The following SPATS2L variants were observed in gnomAD, a reference collection of about 807,000 sequenced individuals.
SPATS2L encodes spermatogenesis associated serine rich 2 like.
SPATS2L carries 30 observed loss-of-function variants against 59.6 expected under a neutral mutation model. That is an observed-to-expected ratio of 0.50 (90% confidence interval 0.38 to 0.68). The LOEUF is 0.68. SPATS2L is among the 30% of genes least tolerant of loss of function. SPATS2L has a pLI of 0.00. For synonymous variants in SPATS2L, 252 were observed against 263.5 expected, an observed-to-expected ratio of 0.96 and a Z score of 0.42; for missense variants, 615 against 700.0, an observed-to-expected ratio of 0.88 and a Z score of 1.37.
At chr2:200,468,347 T>TACACACACACACACACACACCCACACAC (rs2086749885) in intron 10 of SPATS2L, among the ~76,000 whole-genome samples, 1 of 110,082 alleles carries the variant, frequency 9.1e-6, no homozygotes, top group Non-Finnish European at 1.9e-5. Context: ...CCCAGTATAC[T>TACACACACACACACACACACCCACACAC]ACACACACAC....
At chr2:200,343,324 G>T (rs1010253764) in intron 2 of SPATS2L, among the ~76,000 whole-genome samples, 1 of 152,174 alleles carries the variant, frequency 6.6e-6, no homozygotes, top group Admixed American at 6.5e-5. Context: ...TACAAATACG[G>T]AGTATATAAT....
intron 8 of SPATS2L, among the ~76,000 whole-genome samples, chr2:200,453,995 C>T (rs1466292778): frequency 6.6e-6 from 1 of 152,104 alleles, no homozygotes; most frequent in Non-Finnish European, 1.5e-5. Flanking sequence ...TGCCTCCCTC[C>T]CCATGCTCCC....
intron 6 of SPATS2L, among the ~76,000 whole-genome samples, chr2:200,432,799 C>T (rs2084022983): frequency 6.6e-6 from 1 of 152,086 alleles, no homozygotes; most frequent in African/African-American, 2.4e-5. Context: ...TTTAAGTCAT[C>T]AGGTGTGCTT....
intron 2 of SPATS2L, among the ~76,000 whole-genome samples, chr2:200,376,665 G>C (rs1309639684): frequency 6.6e-6 from 1 of 152,230 alleles, no homozygotes; most frequent in Non-Finnish European, 1.5e-5. Flanking sequence ...ATTGGTTTCC[G>C]ATCCATTCTA....
intron 8 of SPATS2L, 142 bp downstream of exon 8, chr2:200,440,926 G>A: frequency 1.3e-6 from 1 of 742,684 alleles, no homozygotes; most frequent in South Asian, 2.5e-5. Context: ...AGCCCTGCAG[G>A]CAGTAGCATG....
At position 200,425,070 on chromosome 2, in the gene SPATS2L, T is replaced by C. The variant is rs372304858; in HGVS notation, c.445+5574T>C. Reference sequence around the variant, plus strand: ...GCAGAGCTGCTTTCTCATCCTCAAGTGAACTGAACCAAATGTGAGAGAAAG... The same window carrying C: ...GCAGAGCTGCTTTCTCATCCTCAAGCGAACTGAACCAAATGTGAGAGAAAG... On this transcript the variant is annotated intron_variant, in intron 6 of 12. Transcript: ENST00000409140. Among the ~76,000 whole-genome samples the C allele has an allele frequency of 2.4e-4, 35 of 145,774 alleles. No individual in the cohort carries two copies. The East Asian group carries it at 4.1e-3, about 17-fold the overall frequency.
In SPATS2L at chr2:200,482,184, A is replaced by G. The variant is rs1413201693; in HGVS notation, c.*4153A>G. 6.6e-6 allele frequency: 1 copy of G among 152,246 alleles called. No homozygotes were observed. The highest frequency in any genetic ancestry group is 1.5e-5 in the Non-Finnish European group (1 of 68,046). 9.4% of individuals were successfully genotyped at this position (152,246 alleles called of 1,614,324 possible). A position where few individuals can be genotyped will look rare whatever the true frequency, so the allele number is the denominator to read the frequency against. The stretch of plus-strand genomic sequence containing the variant: ...CTTGTTACTTAGCTAAGAATTTGAA[A>G]TGTAATTTAAATACTATTCTTTACA... On this transcript the variant is annotated 3_prime_UTR_variant, in exon 13 of 13. Coordinates refer to ENST00000409140, the MANE Select transcript of SPATS2L (RefSeq NM_001100423.2).
intron 1 of SPATS2L, among the ~76,000 whole-genome samples, chr2:200,315,568 G>A (rs2079343756): frequency 6.6e-6 from 1 of 152,124 alleles, no homozygotes; most frequent in Non-Finnish European, 1.5e-5. Context: ...TCTGGCTGTA[G>A]GATCCTGAAC....
chr2:200,364,655 C>A (rs2081213580), intron 2 of SPATS2L, among the ~76,000 whole-genome samples: 1 of 152,182 alleles, frequency 6.6e-6, no homozygotes, highest in East Asian at 1.9e-4. Context: ...CTAGTGCCAT[C>A]CAGATACCAC....
chr2:200,335,386 A>G lies in SPATS2L; in HGVS notation c.-23+5906A>G, dbSNP rs902094258. 4.3e-5 allele frequency among the ~76,000 whole-genome samples: 4 copies of G among 94,078 alleles called. No homozygotes were observed. In the South Asian group the frequency reaches 3.0e-3, roughly 71 times the overall value. 61.7% of individuals were successfully genotyped at this position (94,078 alleles called of 152,430 possible). The stretch of plus-strand genomic sequence containing the variant: ...GAGCAAAGATTCTGTCTCAAAAAAA[A>G]AAGAAAGAAAAAAAAAAGAAGATAG... On this transcript the variant is annotated intron_variant, in intron 2 of 12. Coordinates refer to ENST00000409140, the MANE Select transcript of SPATS2L (RefSeq NM_001100423.2).
At chr2:200,465,018 T>C (rs1574689164) in intron 9 of SPATS2L, among the ~76,000 whole-genome samples, 1 of 152,222 alleles carries the variant, frequency 6.6e-6, no homozygotes, top group East Asian at 1.9e-4. Context: ...AATTCATTCA[T>C]TGAATTCTTC....
chr2:200,382,142 G>A (rs971129692), intron 2 of SPATS2L, among the ~76,000 whole-genome samples: 2 of 151,986 alleles, frequency 1.3e-5, no homozygotes, highest in Non-Finnish European at 2.9e-5. Flanking sequence ...TGCAACTTCC[G>A]CCCCACCTAC....
At chr2:200,306,081 G>A, upstream of SPATS2L, 3 of 985,626 alleles carry the variant, frequency 3.0e-6, no homozygotes, top group Non-Finnish European at 3.6e-6. Context: ...GCGCAGAGGA[G>A]GCGGCGGAAC....
Position 200,309,044 on chromosome 2 carries a change from T to G in SPATS2L, c.-73+2122T>G, listed in dbSNP as rs76786730. The G allele has an allele frequency of 1.9e-3, 1,361 of 717,964 alleles. 22 individuals carry two copies. In the East Asian group the frequency reaches 0.033, roughly 17 times the overall value. The allele number at this position is 717,964 out of a possible 1,614,324, so 44.5% of individuals were successfully genotyped here. On this transcript the variant is annotated intron_variant, in intron 1 of 12. Transcript: ENST00000409140. ...ATACTTAGGCCACACCGTTGCAGTC[T>G]TTGATTGCATGCCAGTCTGAAGCAT...
intron 6 of SPATS2L, among the ~76,000 whole-genome samples, chr2:200,431,559 A>G (rs1478698045): frequency 1.3e-5 from 2 of 152,354 alleles, no homozygotes; most frequent in Non-Finnish European, 1.5e-5. Flanking sequence ...AGACAATGAA[A>G]CCATCTTAAC....
At chr2:200,356,080 A>G (rs986250517) in intron 2 of SPATS2L, among the ~76,000 whole-genome samples, 4 of 152,234 alleles carry the variant, frequency 2.6e-5, no homozygotes, top group Non-Finnish European at 1.5e-5. Flanking sequence ...CACTAATAGT[A>G]CATTTACACC....
chr2:200,330,838 T>C (rs1204590365), intron 2 of SPATS2L, among the ~76,000 whole-genome samples: 1 of 152,224 alleles, frequency 6.6e-6, no homozygotes, highest in Admixed American at 6.5e-5. Context: ...AAAGCAGGAA[T>C]GTTTTACCCT....
intron 2 of SPATS2L, among the ~76,000 whole-genome samples, chr2:200,365,241 A>G (rs1361814606): frequency 6.6e-6 from 1 of 152,256 alleles, no homozygotes; most frequent in Non-Finnish European, 1.5e-5. Flanking sequence ...ACTGCGAAAT[A>G]CATATTATTA....
At chr2:200,439,349 C>G in intron 7 of SPATS2L, 21 bp downstream of exon 7, 1 of 1,581,854 alleles carries the variant, frequency 6.3e-7, no homozygotes, top group South Asian at 1.1e-5. Flanking sequence ...TTCTTTTGCA[C>G]AAATGATTCA....
Sources: allele counts gnomAD v4.1 joint callset (sites outside exome capture counted in the v4.1 genomes callset), GRCh38; gene constraint gnomAD v4.1.1; transcripts MANE v1.5; gene names NCBI Gene and HGNC (gene_info 2026-07-23, HGNC 2026-07-21).